XRCC5: variants seen among roughly 807,000 people sequenced by gnomAD.
The protein encoded by XRCC5 is X-ray repair cross complementing 5, also known as DNA repair protein Ku80.
Under a neutral mutation model 95.7 loss-of-function variants are expected in XRCC5, and 12 were observed. The observed-to-expected ratio is 0.13, with a 90% CI of 0.08 to 0.20. The LOEUF (loss-of-function observed/expected upper bound fraction) is 0.20. XRCC5 is among the 10% of genes least tolerant of loss of function. The pLI is 1.00. For missense variants in XRCC5, 595 were observed against 873.9 expected, an observed-to-expected ratio of 0.68 and a Z score of 4.02; for synonymous variants, 281 against 290.3, an observed-to-expected ratio of 0.97 and a Z score of 0.33.
Position 216,198,844 on chromosome 2 carries a change from G to A in XRCC5, c.2109+3858G>A, listed in dbSNP as rs553361430. Reference sequence around the variant, plus strand: ...CTGGGATTGCAGGCGTGTAATCCCAGCCATGCCTGGCCTGAAAATGCTTTT... The same window carrying A: ...CTGGGATTGCAGGCGTGTAATCCCAACCATGCCTGGCCTGAAAATGCTTTT... On this transcript the variant is annotated intron_variant, in intron 19 of 20. Transcript: ENST00000392132. Among the ~76,000 whole-genome samples, 54 of 152,278 alleles carry A rather than the reference G, an allele frequency of 3.5e-4. 1 individual carries two copies. Among genetic ancestry groups the A allele is most frequent in the Admixed American group, 1.6e-3 (25 of 15,300 alleles).
intron 16 of XRCC5, among the ~76,000 whole-genome samples, chr2:216,163,330 T>G (rs1219221349): frequency 1.3e-5 from 2 of 152,094 alleles, no homozygotes; most frequent in Admixed American, 6.6e-5. Flanking sequence ...TTCTTTTTTT[T>G]GGGGGGACAG....
chr2:216,123,008 G>T (rs1327110276), intron 6 of XRCC5, among the ~76,000 whole-genome samples: 1 of 152,194 alleles, frequency 6.6e-6, no homozygotes, highest in South Asian at 2.1e-4. Context: ...CTAGAATAGT[G>T]TGTGTCCTAT....
chr2:216,138,802 G>A lies in XRCC5; in HGVS notation c.1342+623G>A, dbSNP rs995319956. On this transcript the variant is annotated intron_variant, in intron 12 of 20. Transcript: ENST00000392132. Reference sequence around the variant, plus strand: ...TAATAAAATATAATAGGGGGCAGAAGTAGAAAACATACCAAAAAGAACAAC... The same window carrying A: ...TAATAAAATATAATAGGGGGCAGAAATAGAAAACATACCAAAAAGAACAAC... 4.6e-5 allele frequency among the ~76,000 whole-genome samples: 7 copies of A among 152,136 alleles called. No individual in the cohort carries two copies. The South Asian group carries it at 1.4e-3, about 32-fold the overall frequency.
At chr2:216,147,960 T>G in intron 13 of XRCC5, 123 bp from the exon 14 acceptor site, 1 of 1,071,812 alleles carries the variant, frequency 9.3e-7, no homozygotes, top group Non-Finnish European at 1.4e-6. Flanking sequence ...CTTGATTGTT[T>G]TTTACATGTG....
Position 216,172,469 on chromosome 2 carries a change from C to CTTTTTT in XRCC5, c.1834+10433_1834+10438dup, listed in dbSNP as rs746493174. On this transcript the variant is annotated intron_variant, in intron 16 of 20. Coordinates refer to ENST00000392132, the MANE Select transcript of XRCC5 (RefSeq NM_021141.4). ...AAACTTTAGCATCAGCTTTTCTTTT[C>CTTTTTT]TTTTTTTTTTTTTTTTTGAGACAAA... 9.7e-4 allele frequency among the ~76,000 whole-genome samples: 104 copies of CTTTTTT among 107,742 alleles called. 4 individuals are homozygous for CTTTTTT. The highest frequency in any genetic ancestry group is 4.3e-3 in the South Asian group (12 of 2,782). The allele number at this position is 107,742 out of a possible 152,430, so 70.7% of individuals were successfully genotyped here.
At chr2:216,125,501 CAGA>C (rs1696887524) in intron 6 of XRCC5, among the ~76,000 whole-genome samples, 1 of 152,088 alleles carries the variant, frequency 6.6e-6, no homozygotes, top group Non-Finnish European at 1.5e-5. Context: ...CGGCCCTGAG[CAGA>C]AGTTCTTATC....
intron 19 of XRCC5, among the ~76,000 whole-genome samples, chr2:216,200,876 G>A (rs1012420179): frequency 6.6e-6 from 1 of 152,070 alleles, no homozygotes; most frequent in Non-Finnish European, 1.5e-5. Context: ...ACATTTGCTT[G>A]TTTGTCCTTT....
intron 5 of XRCC5, among the ~76,000 whole-genome samples, chr2:216,121,246 G>C (rs890323896): frequency 3.9e-5 from 6 of 152,138 alleles, no homozygotes; most frequent in African/African-American, 1.4e-4. Context: ...CTTTTTACCT[G>C]ATAAATGCAG....
chr2:216,203,933 G>A (rs1689892536), intron 19 of XRCC5: 1 of 149,316 alleles, frequency 6.7e-6, no homozygotes, highest in Admixed American at 7.5e-5. Flanking sequence ...CCTTTCAAAA[G>A]AGCATACTAG....
chr2:216,144,463 G>C (rs1688582671), intron 13 of XRCC5, among the ~76,000 whole-genome samples: 1 of 152,200 alleles, frequency 6.6e-6, no homozygotes, highest in African/African-American at 2.4e-5. Flanking sequence ...AGCAGTGATG[G>C]AGAGAGTGGA....
At chr2:216,177,754 G>A (rs373637007) in intron 16 of XRCC5, among the ~76,000 whole-genome samples, 1 of 152,082 alleles carries the variant, frequency 6.6e-6, no homozygotes, top group Non-Finnish European at 1.5e-5. Flanking sequence ...TTTTTGTCAA[G>A]CATGTATTTA....
chr2:216,169,075 A>G (rs987820608), intron 16 of XRCC5, among the ~76,000 whole-genome samples: 9 of 152,258 alleles, frequency 5.9e-5, no homozygotes, highest in African/African-American at 2.2e-4. Flanking sequence ...TTCCTAGTCT[A>G]TTCAAAGGCT....
chr2:216,199,849 G>C (rs1243932376), intron 19 of XRCC5, among the ~76,000 whole-genome samples: 1 of 141,360 alleles, frequency 7.1e-6, no homozygotes, highest in Non-Finnish European at 1.5e-5. Context: ...GATTCCAAGA[G>C]GCTGAGCTAT....
chr2:216,183,314 A>G (rs990762664), intron 16 of XRCC5, among the ~76,000 whole-genome samples: 1 of 152,186 alleles, frequency 6.6e-6, no homozygotes, highest in Non-Finnish European at 1.5e-5. Flanking sequence ...GGGGTTTTTA[A>G]TTTAACACAT....
chr2:216,205,153 T>C, intron 20 of XRCC5, 35 bp from the exon 21 acceptor site: 1 of 1,613,550 alleles, frequency 6.2e-7, no homozygotes, highest in Non-Finnish European at 8.5e-7. Context: ...GAAATTGGCC[T>C]GATTCCTTTC....
intron 1 of XRCC5, 36 bp downstream of exon 1, chr2:216,109,493 A>C (rs1696545063): frequency 6.2e-7 from 1 of 1,612,918 alleles, no homozygotes; most frequent in African/African-American, 1.3e-5. Flanking sequence ...CTTTACCCGG[A>C]CTGGGGATCC....
At chr2:216,128,286 A>G (rs189899677) in intron 8 of XRCC5, among the ~76,000 whole-genome samples, 62 of 152,326 alleles carry the variant, frequency 4.1e-4, no homozygotes, top group African/African-American at 1.4e-3. Context: ...TGGTTAAGAT[A>G]GAAACAAGAG....
chr2:216,197,927 A>G (rs1043115714), intron 19 of XRCC5, among the ~76,000 whole-genome samples: 1 of 152,344 alleles, frequency 6.6e-6, no homozygotes, highest in Non-Finnish European at 1.5e-5. Context: ...GTGTTTGTCT[A>G]CAACACTATA....
chr2:216,187,977 A>G (rs1689539014), intron 16 of XRCC5, among the ~76,000 whole-genome samples: 2 of 151,188 alleles, frequency 1.3e-5, no homozygotes, highest in South Asian at 4.2e-4. Flanking sequence ...TACACTTTCT[A>G]AGGAGCCACG....
Sources: gnomAD v4.1 joint callset for allele counts (sites outside exome capture counted in the v4.1 genomes callset) on GRCh38, gnomAD v4.1.1 for gene constraint, MANE v1.5 for transcripts, NCBI Gene and HGNC (gene_info 2026-07-23, HGNC 2026-07-21) for gene names.